Variants in PTBP2 observed in about 807,000 individuals in gnomAD.
The protein encoded by PTBP2 is polypyrimidine tract-binding protein 2.
PTBP2 carries 13 observed loss-of-function variants against 61.4 expected under a neutral mutation model. That is an observed-to-expected ratio of 0.21 (90% confidence interval 0.14 to 0.34). The LOEUF is 0.34. Among genes scored for constraint, PTBP2 ranks in the 10% least tolerant of loss-of-function variants. PTBP2 has a pLI of 1.00. For synonymous variants in PTBP2, 215 were observed against 218.5 expected, an observed-to-expected ratio of 0.98 and a Z score of 0.14; for missense variants, 405 against 642.6, an observed-to-expected ratio of 0.63 and a Z score of 4.00.
In PTBP2 at chr1:96,813,863, A is replaced by G. The variant is rs1377815431; in HGVS notation, c.*458A>G. On this transcript the variant is annotated 3_prime_UTR_variant, in exon 14 of 14. Transcript: ENST00000674951. ...TTCTCCTGCTTGGAACTTATTTTGAATTACTGGCTTGTCACCTTTTTTTCT... is the reference window on the plus strand; with the variant it reads ...TTCTCCTGCTTGGAACTTATTTTGAGTTACTGGCTTGTCACCTTTTTTTCT... 6.6e-6 allele frequency: 1 copy of G among 152,582 alleles called. No homozygotes were observed. Among genetic ancestry groups the G allele is most frequent in the Non-Finnish European group, 1.5e-5 (1 of 68,054 alleles). 9.5% of individuals were successfully genotyped at this position (152,582 alleles called of 1,614,324 possible). A position where few individuals can be genotyped will look rare whatever the true frequency, so the allele number is the denominator to read the frequency against.
At chr1:96,753,729 T>TA (rs1057015568) in intron 3 of PTBP2, among the ~76,000 whole-genome samples, 2 of 151,248 alleles carry the variant, frequency 1.3e-5, no homozygotes, top group African/African-American at 4.9e-5. Context: ...GTTGAAGAGA[T>TA]AAAAAACTAT....
chr1:96,758,731 T>C (rs1367552399), intron 3 of PTBP2, among the ~76,000 whole-genome samples: 4 of 152,120 alleles, frequency 2.6e-5, no homozygotes, highest in South Asian at 4.1e-4. Flanking sequence ...TGGAGAAATA[T>C]TGAATGTTTT....
chr1:96,744,521 T>C (rs1182307080), intron 2 of PTBP2, among the ~76,000 whole-genome samples: 1 of 152,326 alleles, frequency 6.6e-6, no homozygotes, highest in South Asian at 2.1e-4. Flanking sequence ...CCACGTCTTA[T>C]GTCTTGATCA....
chr1:96,766,052 C>T (rs1014662738), intron 3 of PTBP2, among the ~76,000 whole-genome samples: 12 of 152,042 alleles, frequency 7.9e-5, no homozygotes, highest in African/African-American at 2.9e-4. Flanking sequence ...CAGGTAAAAG[C>T]TAGTGGAGAA....
intron 8 of PTBP2, 150 bp downstream of exon 8, chr1:96,785,404 A>G (rs1407101436): frequency 9.1e-6 from 5 of 551,710 alleles, no homozygotes; most frequent in Non-Finnish European, 1.5e-5. Context: ...GCATATGAAT[A>G]CTGTTAAGAA....
chr1:96,757,027 G>T (rs1379010558), intron 3 of PTBP2, among the ~76,000 whole-genome samples: 1 of 152,140 alleles, frequency 6.6e-6, no homozygotes, highest in Non-Finnish European at 1.5e-5. Flanking sequence ...GGGGCAGGAG[G>T]CAGGGAAATC....
At chr1:96,771,862 T>C (rs187456745) in intron 5 of PTBP2, among the ~76,000 whole-genome samples, 1 of 152,320 alleles carries the variant, frequency 6.6e-6, no homozygotes, top group East Asian at 1.9e-4. Context: ...AATTTCTTTA[T>C]GGTAAGAACA....
chr1:96,810,351 G>A (rs1398629689), intron 11 of PTBP2, among the ~76,000 whole-genome samples: 1 of 152,050 alleles, frequency 6.6e-6, no homozygotes, highest in East Asian at 1.9e-4. Context: ...CTTCTGCTCT[G>A]TTTACTCCTT....
exon 14 of PTBP2, chr1:96,822,831 A>G (rs1030468966): frequency 2.0e-5 from 3 of 152,242 alleles, no homozygotes; most frequent in African/African-American, 7.2e-5. Flanking sequence ...TGGCAAAACC[A>G]TGGAAGAAAC....
intron 2 of PTBP2, among the ~76,000 whole-genome samples, chr1:96,746,027 T>C (rs1653702873): frequency 1.3e-5 from 2 of 151,364 alleles, no homozygotes; most frequent in Admixed American, 1.3e-4. Context: ...GACCGCGCCA[T>C]TACACTCCAG....
intron 3 of PTBP2, among the ~76,000 whole-genome samples, chr1:96,762,959 G>C (rs535294654): frequency 6.6e-6 from 1 of 150,484 alleles, no homozygotes; most frequent in East Asian, 2.0e-4. Context: ...GGGCAGCGGC[G>C]CTCCCCACAT....
intron 2 of PTBP2, among the ~76,000 whole-genome samples, chr1:96,724,571 G>A (rs941273166): frequency 1.3e-5 from 2 of 151,620 alleles, no homozygotes; most frequent in African/African-American, 4.8e-5. Context: ...GGCCTGTATT[G>A]TCATTTTTCA....
chr1:96,764,862 C>T (rs1035623626), intron 3 of PTBP2, among the ~76,000 whole-genome samples: 2 of 152,176 alleles, frequency 1.3e-5, no homozygotes, highest in African/African-American at 4.8e-5. Context: ...TAGGTGCCTT[C>T]TGTGTTTTTC....
chr1:96,723,076 A>G (rs1299004444), intron 1 of PTBP2, among the ~76,000 whole-genome samples: 1 of 152,212 alleles, frequency 6.6e-6, no homozygotes, highest in African/African-American at 2.4e-5. Context: ...AAGTTAACAC[A>G]GTCTCACAGA....
chr1:96,778,200 G>C (rs1237584674), intron 7 of PTBP2, among the ~76,000 whole-genome samples: 3 of 143,918 alleles, frequency 2.1e-5, no homozygotes, highest in Non-Finnish European at 4.5e-5. Flanking sequence ...AAGGACAAAA[G>C]TTTGTACTCT....
At chr1:96,815,313 A>G (rs1205620763), downstream of PTBP2, 1 of 151,930 alleles carries the variant, frequency 6.6e-6, no homozygotes, top group Non-Finnish European at 1.5e-5. Context: ...TACTAATCTT[A>G]GACTACCTTG....
intron 1 of PTBP2, among the ~76,000 whole-genome samples, chr1:96,722,453 G>C (rs1473011052): frequency 2.6e-5 from 4 of 151,564 alleles, no homozygotes; most frequent in African/African-American, 9.7e-5. Flanking sequence ...GGGGGAGGGC[G>C]TGCGGCGGCG....
chr1:96,806,674 A>G (rs1189309056), intron 10 of PTBP2, 192 bp from the exon 11 acceptor site: 11 of 655,348 alleles, frequency 1.7e-5, no homozygotes, highest in South Asian at 1.6e-4. Flanking sequence ...TTGAGGGTTT[A>G]TCAAAAATTA....
intron 3 of PTBP2, among the ~76,000 whole-genome samples, chr1:96,757,126 C>T (rs1655249533): frequency 6.6e-6 from 1 of 152,160 alleles, no homozygotes; most frequent in Non-Finnish European, 1.5e-5. Flanking sequence ...CATTGCATTT[C>T]TTTTGGATAT....
Sources: gnomAD v4.1 joint callset for allele counts (sites outside exome capture counted in the v4.1 genomes callset) on GRCh38, gnomAD v4.1.1 for gene constraint, MANE v1.5 for transcripts, NCBI Gene and HGNC (gene_info 2026-07-23, HGNC 2026-07-21) for gene names.